Variants in RABGAP1L observed in about 807,000 individuals in gnomAD.
The protein encoded by RABGAP1L is RAB GTPase activating protein 1 like, also known as rab GTPase-activating protein 1-like.
RABGAP1L carries 63 observed loss-of-function variants against 137.7 expected under a neutral mutation model. That is an observed-to-expected ratio of 0.46 (90% CI 0.37 to 0.56). The LOEUF is 0.56. RABGAP1L is among the 20% of genes least tolerant of loss of function. The pLI, the probability that RABGAP1L is intolerant of heterozygous loss-of-function variation, is 0.00. For missense variants in RABGAP1L, 1,095 were observed against 1,244.0 expected (o/e 0.88, Z 1.80); for synonymous variants, 431 against 433.7 (o/e 0.99, Z 0.08).
intron 13 of RABGAP1L, among the ~76,000 whole-genome samples, chr1:174,409,550 A>C (rs969292652): frequency 6.6e-6 from 1 of 152,160 alleles, no homozygotes; most frequent in African/African-American, 2.4e-5. Context: ...ATAATGTCTG[A>C]CTGCCTGCGG....
intron 13 of RABGAP1L, among the ~76,000 whole-genome samples, chr1:174,583,847 G>A (rs1273310297): frequency 6.6e-6 from 1 of 152,170 alleles, no homozygotes; most frequent in Non-Finnish European, 1.5e-5. Context: ...GATTGGTATA[G>A]ATAATATCTA....
chr1:174,331,865 C>G (rs1019011645), intron 11 of RABGAP1L, among the ~76,000 whole-genome samples: 1 of 147,724 alleles, frequency 6.8e-6, no homozygotes, highest in African/African-American at 2.5e-5. Flanking sequence ...TGTGATGTTC[C>G]CCTTCCTGTG....
At chr1:174,664,112 T>G (rs900039672) in intron 14 of RABGAP1L, among the ~76,000 whole-genome samples, 2 of 152,158 alleles carry the variant, frequency 1.3e-5, no homozygotes, top group African/African-American at 4.8e-5. Context: ...TTAAAACAAC[T>G]TTGTGTATTG....
intron 13 of RABGAP1L, among the ~76,000 whole-genome samples, chr1:174,511,528 T>C (rs1662339645): frequency 6.6e-6 from 1 of 152,176 alleles, no homozygotes; most frequent in Non-Finnish European, 1.5e-5. Context: ...GTAGGTATAC[T>C]GAGCATGCTT....
chr1:174,925,209 C>T (rs1376302520), intron 19 of RABGAP1L, among the ~76,000 whole-genome samples: 1 of 151,670 alleles, frequency 6.6e-6, no homozygotes, highest in Non-Finnish European at 1.5e-5. Flanking sequence ...ACTAAAAATA[C>T]AAAAAATTAG....
chr1:174,368,760 T>A (rs1353439157), intron 11 of RABGAP1L, among the ~76,000 whole-genome samples: 1 of 152,178 alleles, frequency 6.6e-6, no homozygotes, highest in Non-Finnish European at 1.5e-5. Context: ...ATAGATTTTT[T>A]AAAATTATAG....
At chr1:174,827,297 G>GCC (rs1691666546) in intron 19 of RABGAP1L, among the ~76,000 whole-genome samples, 1 of 152,102 alleles carries the variant, frequency 6.6e-6, no homozygotes, top group Non-Finnish European at 1.5e-5. Flanking sequence ...ATAGGCATGT[G>GCC]CCACTGTGCC....
At chr1:174,468,650 C>T (rs1320133400) in intron 13 of RABGAP1L, among the ~76,000 whole-genome samples, 2 of 152,130 alleles carry the variant, frequency 1.3e-5, no homozygotes, top group African/African-American at 4.8e-5. Context: ...AGCATTATAT[C>T]CCTAAAGATA....
intron 15 of RABGAP1L, among the ~76,000 whole-genome samples, chr1:174,699,285 A>G (rs1287674782): frequency 3.3e-5 from 5 of 152,050 alleles, no homozygotes; most frequent in Admixed American, 6.6e-5. Flanking sequence ...TCATGAGTGT[A>G]TTGCCTGTTT....
intron 11 of RABGAP1L, among the ~76,000 whole-genome samples, chr1:174,338,809 C>G (rs936923980): frequency 5.9e-5 from 9 of 151,944 alleles, no homozygotes; most frequent in African/African-American, 2.2e-4. Flanking sequence ...AATTGGTACT[C>G]TGAAAGGAGC....
intron 18 of RABGAP1L, among the ~76,000 whole-genome samples, chr1:174,787,369 C>T (rs1573194993): frequency 6.8e-6 from 1 of 146,878 alleles, no homozygotes; most frequent in Admixed American, 6.9e-5. Context: ...CACCATTGCA[C>T]TCTGGCCTGG....
intron 13 of RABGAP1L, among the ~76,000 whole-genome samples, chr1:174,462,344 T>A (rs891749968): frequency 1.3e-5 from 2 of 152,224 alleles, no homozygotes; most frequent in African/African-American, 4.8e-5. Context: ...ACATCTGTTT[T>A]ACACCTGCTT....
intron 13 of RABGAP1L, chr1:174,449,030 A>G: frequency 6.2e-7 from 1 of 1,613,976 alleles, no homozygotes. Context: ...CTGGCTTGCA[A>G]TAAGTAATAG....
chr1:174,711,941 A>T (rs1445864908), intron 17 of RABGAP1L, among the ~76,000 whole-genome samples: 4 of 152,188 alleles, frequency 2.6e-5, no homozygotes, highest in African/African-American at 9.6e-5. Flanking sequence ...CACTGTGTCT[A>T]GCTCAAGGTT....
intron 7 of RABGAP1L, among the ~76,000 whole-genome samples, chr1:174,260,924 A>G (rs1273309329): frequency 9.9e-5 from 15 of 151,076 alleles, no homozygotes; most frequent in Admixed American, 9.9e-4. Flanking sequence ...GCCAAGTATT[A>G]CTTCTTATTT....
At chr1:174,350,584 A>G (rs9425440) in intron 11 of RABGAP1L, among the ~76,000 whole-genome samples, 3 of 112,526 alleles carry the variant, frequency 2.7e-5, no homozygotes, top group Non-Finnish European at 3.7e-5. Flanking sequence ...GCGGCCGGGC[A>G]GAGACGCTCC....
At chr1:174,197,164 C>A (rs1402972731) in intron 1 of RABGAP1L, among the ~76,000 whole-genome samples, 1 of 152,186 alleles carries the variant, frequency 6.6e-6, no homozygotes, top group African/African-American at 2.4e-5. Flanking sequence ...TTTTCTCTTT[C>A]TCAGCAACTT....
At chr1:174,658,171 G>A (rs1393240338) in intron 14 of RABGAP1L, among the ~76,000 whole-genome samples, 1 of 152,058 alleles carries the variant, frequency 6.6e-6, no homozygotes, top group Non-Finnish European at 1.5e-5. Flanking sequence ...TTATTTTTCT[G>A]GAATAATTAC....
At chr1:174,417,077 C>T (rs551638977) in intron 13 of RABGAP1L, among the ~76,000 whole-genome samples, 1 of 152,172 alleles carries the variant, frequency 6.6e-6, no homozygotes, top group African/African-American at 2.4e-5. Context: ...TTTGGCATTA[C>T]TTTCAATGGC....
Sources: allele counts gnomAD v4.1 joint callset (sites outside exome capture counted in the v4.1 genomes callset), GRCh38; gene constraint gnomAD v4.1.1; transcripts MANE v1.5; gene names NCBI Gene and HGNC (gene_info 2026-07-23, HGNC 2026-07-21).